RAB37: variants seen among roughly 807,000 people sequenced by gnomAD.
RAB37 encodes the protein ras-related protein Rab-37.
RAB37 carries 29 observed loss-of-function variants against 33.1 expected under a neutral mutation model. The observed-to-expected ratio is 0.88, with a 90% CI of 0.65 to 1.20. RAB37 has a LOEUF of 1.20. RAB37 is among the 50% of genes most tolerant of loss of function. The pLI is 0.00. For missense variants in RAB37, 299 were observed against 301.1 expected, an observed-to-expected ratio of 0.99 and a Z score of 0.05; for synonymous variants, 128 against 119.5, an observed-to-expected ratio of 1.07 and a Z score of -0.47.
upstream of RAB37, among the ~76,000 whole-genome samples, chr17:74,733,468 A>AGGTGTGTGTGGTATGATTTGAGGTGTGTG (rs1598316003): frequency 6.1e-4 from 1 of 1,642 alleles, no homozygotes; most frequent in South Asian, 0.019. Flanking sequence ...GATTTGAGGG[A>AGGTGTGTGTGGTATGATTTGAGGTGTGTG]TGTGTGTGGT....
chr17:74,701,245 C>T lies in RAB37; in HGVS notation c.73-28011C>T, dbSNP rs71375243. 2.2e-3 allele frequency among the ~76,000 whole-genome samples: 335 copies of T among 152,250 alleles called. 2 individuals carry two copies. The highest frequency in any genetic ancestry group is 2.1e-3 in the Non-Finnish European group (144 of 68,008). Reference sequence around the variant, plus strand: ...TCATCAGTCAATTAATTGTGTCAACCCTATTTGGTTACACTAATTAGCTCT... The same window carrying T: ...TCATCAGTCAATTAATTGTGTCAACTCTATTTGGTTACACTAATTAGCTCT... On this transcript the variant is annotated intron_variant, in intron 1 of 7. Coordinates refer to the RAB37 transcript ENST00000340415.
In RAB37 at chr17:74,742,335, A is replaced by ACCTG; in HGVS notation, c.246+43_246+46dup. 2 of 1,521,072 alleles carry ACCTG rather than the reference A, an allele frequency of 1.3e-6. No individual in the cohort carries two copies. Among genetic ancestry groups the ACCTG allele is most frequent in the Non-Finnish European group, 9.1e-7 (1 of 1,100,654 alleles). The allele number at this position is 1,521,072 out of a possible 1,614,324, so 94.2% of individuals were successfully genotyped here. On this transcript the variant is annotated intron_variant, in intron 3 of 8. Coordinates refer to ENST00000392613, the MANE Select transcript of RAB37 (RefSeq NM_001006638.3). This position sits in a 1 kb window ranked among gnomAD's most constrained non-coding sequence, Gnocchi z 4.0. The stretch of plus-strand genomic sequence containing the variant: ...TGGAGTTGGGGAGGGAGGATGGAGG[A>ACCTG]CCTGCCCTTCCTTCTCACCCTGAAC...
At chr17:74,722,220 T>G (rs956884033) in intron 1 of RAB37, among the ~76,000 whole-genome samples, 2 of 151,700 alleles carry the variant, frequency 1.3e-5, no homozygotes, top group African/African-American at 4.8e-5. Context: ...GAGGCAGAGC[T>G]TGCAGTGAGT....
intron 1 of RAB37, chr17:74,698,436 G>GGTGAAGAT: frequency 6.2e-7 from 1 of 1,613,980 alleles, no homozygotes. Context: ...GCAGCAATAT[G>GGTGAAGAT]GTGAAGATGA....
chr17:74,703,474 C>T (rs1000417750), intron 1 of RAB37, among the ~76,000 whole-genome samples: 1 of 152,152 alleles, frequency 6.6e-6, no homozygotes, highest in Admixed American at 6.5e-5. Flanking sequence ...ACCCCCAGCC[C>T]TATTTATCCA....
At chr17:74,706,765 G>A (rs189279647) in intron 1 of RAB37, among the ~76,000 whole-genome samples, 1 of 152,216 alleles carries the variant, frequency 6.6e-6, no homozygotes, top group Non-Finnish European at 1.5e-5. Flanking sequence ...CTGGGAAGGG[G>A]TGAGGACCAC....
chr17:74,734,096 G>A (rs1014621874), upstream of RAB37, among the ~76,000 whole-genome samples: 3 of 152,160 alleles, frequency 2.0e-5, no homozygotes, highest in African/African-American at 7.2e-5. Flanking sequence ...CCAACAACGT[G>A]AACCACAGCT....
chr17:74,698,724 A>G, intron 1 of RAB37: 1 of 960,402 alleles, frequency 1.0e-6, no homozygotes, highest in South Asian at 2.0e-5. Context: ...GGGTGGGAGG[A>G]AGCAAAGAAT....
Position 74,730,374 on chromosome 17 carries a change from G to A in RAB37, c.183+1008G>A, listed in dbSNP as rs552452337. 2.6e-5 allele frequency among the ~76,000 whole-genome samples: 4 copies of A among 152,290 alleles called. No individual in the cohort carries two copies. The East Asian group carries it at 7.7e-4, about 29-fold the overall frequency. ...GAGAGAGGAAAACTCAGAAAAATGG[G>A]CTTGCCCACTGGGTCACAGCCAGGA... On this transcript the variant is annotated intron_variant, in intron 2 of 7. Coordinates refer to the RAB37 transcript ENST00000340415. This position sits in a 1 kb window ranked among gnomAD's most constrained non-coding sequence, Gnocchi z 4.4.
At chr17:74,712,983 C>G in intron 1 of RAB37, 1 of 1,063,932 alleles carries the variant, frequency 9.4e-7, no homozygotes, top group East Asian at 2.6e-5. Context: ...CCTTCAGTCA[C>G]TTCCCATGGG....
At chr17:74,733,485 T>TGTGTG (rs367812896), upstream of RAB37, among the ~76,000 whole-genome samples, 24 of 11,404 alleles carry the variant, frequency 2.1e-3, no homozygotes, top group Admixed American at 4.4e-3. Flanking sequence ...TGGTGTGAGG[T>TGTGTG]GTGTGGTGTG....
Position 74,729,372 on chromosome 17 carries a change from C to T in RAB37, c.183+6C>T. On this transcript the variant is annotated splice_donor_region_variant and intron_variant, in intron 2 of 7. Transcript: ENST00000340415. The surrounding 1 kb of genome is among the most constrained non-coding windows in gnomAD (Gnocchi z 4.2). ...CTGTGGGCATCGGATTCACGGTAAG[C>T]ACTGGCCGGCACTGCCAGCTCTGGG... 6.3e-7 allele frequency: 1 copy of T among 1,596,272 alleles called. No homozygotes were observed. The highest frequency in any genetic ancestry group is 8.6e-7 in the Non-Finnish European group (1 of 1,163,686).
At chr17:74,698,412 G>A (rs111797936) in intron 1 of RAB37, 150 of 1,613,800 alleles carry the variant, frequency 9.3e-5, no homozygotes, top group Admixed American at 1.5e-4. Flanking sequence ...AGAGTGAGGC[G>A]GCCACCAAAA....
rs1239298939 is a variant in RAB37, at chr17:74,742,632, CT to C, written c.246+348del. Among the ~76,000 whole-genome samples the C allele has an allele frequency of 3.0e-4, 44 of 145,578 alleles. No homozygotes were observed. The highest frequency in any genetic ancestry group is 4.1e-4 in the Admixed American group (6 of 14,554). The stretch of plus-strand genomic sequence containing the variant: ...AGATTCTTTTTTTTTCTTTTCTTTT[CT>C]TTTTTTTTTTGAGATGGAGTCTCGC... On this transcript the variant is annotated intron_variant, in intron 3 of 8. Transcript: ENST00000392613. This position sits in a 1 kb window ranked among gnomAD's most constrained non-coding sequence, Gnocchi z 4.0.
Position 74,689,545 on chromosome 17 carries a change from A to C in RAB37, c.72+17887A>C, listed in dbSNP as rs557722487. Among the ~76,000 whole-genome samples the C allele has an allele frequency of 1.4e-4, 21 of 152,342 alleles. No individual in the cohort carries two copies. In the South Asian group the frequency reaches 4.1e-3, roughly 30 times the overall value. Reference sequence around the variant, plus strand: ...TTTTCAATGAACTGACCAATTACCAATTCCTGTGAAATTGAATAAGAATTT... The same window carrying C: ...TTTTCAATGAACTGACCAATTACCACTTCCTGTGAAATTGAATAAGAATTT... On this transcript the variant is annotated intron_variant, in intron 1 of 7. Coordinates refer to the RAB37 transcript ENST00000340415.
chr17:74,702,238 C>T (rs1042920158), intron 1 of RAB37, among the ~76,000 whole-genome samples: 2 of 151,942 alleles, frequency 1.3e-5, no homozygotes, highest in African/African-American at 4.8e-5. Context: ...TTAAAGGGGA[C>T]GTTCCTCTTC....
chr17:74,745,368 T>C lies in RAB37; in HGVS notation c.629T>C (p.Val210Ala). The change falls in exon 9 of 9, where the codon GTA (valine) becomes GCA (alanine). Residue 210 changes from valine (V) to alanine (A), a missense_variant. Coordinates refer to ENST00000392613, the MANE Select transcript of RAB37 (RefSeq NM_001006638.3). The surrounding 1 kb of genome is among the most constrained non-coding windows in gnomAD (Gnocchi z 4.5). ...CCCAGCTTCCAGATCCGAGACTATGTAGAGTCCCAGAAGAAGCGCTCCAGC... is the reference window on the plus strand; with the variant it reads ...CCCAGCTTCCAGATCCGAGACTATGCAGAGTCCCAGAAGAAGCGCTCCAGC... ...DEPSFQIRDY[V>A]ESQKKRSSCC... The C allele has an allele frequency of 1.2e-6, 2 of 1,614,128 alleles. No individual in the cohort carries two copies. The highest frequency in any genetic ancestry group is 1.7e-6 in the Non-Finnish European group (2 of 1,180,026).
chr17:74,689,306 G>A (rs934535699), intron 1 of RAB37, among the ~76,000 whole-genome samples: 1 of 152,104 alleles, frequency 6.6e-6, no homozygotes, highest in Non-Finnish European at 1.5e-5. Context: ...AGCCAGGCAT[G>A]GTGGCACATG....
At chr17:74,679,569 C>G (rs2031910552) in intron 1 of RAB37, among the ~76,000 whole-genome samples, 1 of 152,202 alleles carries the variant, frequency 6.6e-6, no homozygotes, top group Non-Finnish European at 1.5e-5. Flanking sequence ...TTCTGCAGCA[C>G]TTTACAGTTT....
Sources: allele counts gnomAD v4.1 joint callset (sites outside exome capture counted in the v4.1 genomes callset), GRCh38; gene constraint gnomAD v4.1.1; non-coding constraint Gnocchi (gnomAD v3.1); transcripts MANE v1.5; gene names NCBI Gene and HGNC (gene_info 2026-07-23, HGNC 2026-07-21).